STK10: variants seen among roughly 807,000 people sequenced by gnomAD.
STK10 encodes serine/threonine-protein kinase 10.
Under a neutral mutation model 113.8 loss-of-function variants are expected in STK10, and 78 were observed. That is an observed-to-expected ratio of 0.69 (90% CI 0.57 to 0.83). The LOEUF (loss-of-function observed/expected upper bound fraction) is 0.83, where lower values mean the gene tolerates loss of function less well. STK10 is among the 40% of genes least tolerant of loss of function. The pLI is 0.00. For synonymous variants in STK10, 465 were observed against 494.7 expected (o/e 0.94, Z 0.80); for missense variants, 1,109 against 1,280.1 (o/e 0.87, Z 2.04).
At chr5:172,183,514 T>C (rs1295538642) in intron 1 of STK10, among the ~76,000 whole-genome samples, 1 of 150,662 alleles carries the variant, frequency 6.6e-6, no homozygotes, top group Non-Finnish European at 1.5e-5. Flanking sequence ...GAGTGCACAA[T>C]CTCTGCTCTC....
intron 1 of STK10, among the ~76,000 whole-genome samples, chr5:172,166,271 G>C (rs536437350): frequency 6.6e-6 from 1 of 152,304 alleles, no homozygotes; most frequent in Admixed American, 6.5e-5. Context: ...GAGTGCTACT[G>C]GCTCTGTGGA....
chr5:172,082,556 G>A lies in STK10; in HGVS notation c.1810-51C>T. On this transcript the variant is annotated intron_variant, in intron 11 of 18. Coordinates refer to ENST00000176763, the MANE Select transcript of STK10 (RefSeq NM_005990.4). The surrounding 1 kb of genome is among the most constrained non-coding windows in gnomAD (Gnocchi z 4.3). ...ACTTAGCGAAGTCACTTTATACCTG[G>A]GAGGGACATGGGAAGTGGAATGGGG... is the stretch of plus-strand genomic sequence containing the variant. The A allele has an allele frequency of 6.6e-7, 1 of 1,524,496 alleles. No homozygotes were observed. The highest frequency in any genetic ancestry group is 8.8e-7 in the Non-Finnish European group (1 of 1,136,598). 94.4% of individuals were successfully genotyped at this position (1,524,496 alleles called of 1,614,324 possible).
intron 2 of STK10, among the ~76,000 whole-genome samples, chr5:172,150,255 TG>T (rs1441591136): frequency 6.6e-6 from 1 of 151,700 alleles, no homozygotes; most frequent in African/African-American, 2.4e-5. Context: ...CTGAGGAGGT[TG>T]GATCACCTGA....
At chr5:172,166,237 T>C (rs1403588348) in intron 1 of STK10, among the ~76,000 whole-genome samples, 2 of 152,222 alleles carry the variant, frequency 1.3e-5, no homozygotes, top group Non-Finnish European at 2.9e-5. Flanking sequence ...GAGGCCAAGA[T>C]GGCAGAAGCA....
chr5:172,064,050 G>A (rs1364624309), intron 13 of STK10, among the ~76,000 whole-genome samples: 1 of 152,204 alleles, frequency 6.6e-6, no homozygotes, highest in Non-Finnish European at 1.5e-5. Flanking sequence ...GGGCTGTGGG[G>A]GGAAGGGTGC....
At chr5:172,054,450 C>T in intron 17 of STK10, 119 bp downstream of exon 17, 2 of 1,444,446 alleles carry the variant, frequency 1.4e-6, no homozygotes, top group Non-Finnish European at 1.9e-6. Context: ...AACCATCCAT[C>T]CCGGGCGTGT....
Position 172,044,828 on chromosome 5 carries a change from G to A in STK10, c.*54C>T. On this transcript the variant is annotated 3_prime_UTR_variant, in exon 19 of 19. Coordinates refer to ENST00000176763, the MANE Select transcript of STK10 (RefSeq NM_005990.4). This position sits in a 1 kb window ranked among gnomAD's most constrained non-coding sequence, Gnocchi z 4.5. ...CCTGAGTTACATGTTCACAGAGAAT[G>A]AAGGAGAAGGCCCTGGGGCCCACCA... 6.2e-7 allele frequency: 1 copy of A among 1,613,190 alleles called. No individual in the cohort carries two copies. The highest frequency in any genetic ancestry group is 8.5e-7 in the Non-Finnish European group (1 of 1,179,824).
intron 3 of STK10, among the ~76,000 whole-genome samples, chr5:172,124,887 T>A (rs1036850088): frequency 3.3e-5 from 5 of 152,052 alleles, no homozygotes; most frequent in Non-Finnish European, 7.4e-5. Context: ...TATATATATT[T>A]TTTTCCCCCA....
rs531709337 is a variant in STK10 at position 172,049,798 on chromosome 5, G to A, written c.2766+3131C>T. The stretch of plus-strand genomic sequence containing the variant: ...TCTTCACCACCGTGCACTCACATGT[G>A]TTTATTTTTATTTTTATTTTTTGAG... On this transcript the variant is annotated intron_variant, in intron 18 of 18. Coordinates refer to ENST00000176763, the MANE Select transcript of STK10 (RefSeq NM_005990.4). 5.9e-5 allele frequency among the ~76,000 whole-genome samples: 9 copies of A among 152,108 alleles called. No individual in the cohort carries two copies. The East Asian group carries it at 7.7e-4, about 13-fold the overall frequency.
At chr5:172,180,565 C>T (rs1170238726) in intron 1 of STK10, among the ~76,000 whole-genome samples, 2 of 151,746 alleles carry the variant, frequency 1.3e-5, no homozygotes, top group East Asian at 1.9e-4. Context: ...CCGAGGCAGG[C>T]GGATCACTTG....
At chr5:172,165,943 G>A (rs1005842576) in intron 1 of STK10, among the ~76,000 whole-genome samples, 17 of 152,102 alleles carry the variant, frequency 1.1e-4, no homozygotes, top group Non-Finnish European at 1.9e-4. Flanking sequence ...ACAGGCATGC[G>A]CCACCACGCC....
At chr5:172,151,571 G>A (rs1005864836) in intron 2 of STK10, among the ~76,000 whole-genome samples, 5 of 152,078 alleles carry the variant, frequency 3.3e-5, no homozygotes, top group African/African-American at 1.2e-4. Flanking sequence ...GGTCTCAAAC[G>A]CCTGATTCGT....
chr5:172,100,774 G>C (rs560488563), intron 7 of STK10, among the ~76,000 whole-genome samples: 1 of 152,172 alleles, frequency 6.6e-6, no homozygotes, highest in East Asian at 1.9e-4. Context: ...GCAACACGAC[G>C]AGACTCCATT....
chr5:172,156,258 CACTT>C (rs1423621332), intron 2 of STK10, among the ~76,000 whole-genome samples: 2 of 152,214 alleles, frequency 1.3e-5, no homozygotes, highest in East Asian at 3.8e-4. Flanking sequence ...TGAATTAACT[CACTT>C]AATCGCAGTA....
chr5:172,071,285 TAA>T (rs113372968), intron 12 of STK10, among the ~76,000 whole-genome samples: 2 of 40,522 alleles, frequency 4.9e-5, no homozygotes, highest in Admixed American at 7.5e-4. Flanking sequence ...ATGAAAAGTT[TAA>T]AAAAAAAAAA....
intron 3 of STK10, among the ~76,000 whole-genome samples, chr5:172,119,588 G>C (rs1283977990): frequency 6.6e-6 from 1 of 152,132 alleles, no homozygotes; most frequent in Non-Finnish European, 1.5e-5. Flanking sequence ...AAATAGGCCA[G>C]GCGCGGTGGC....
intron 3 of STK10, among the ~76,000 whole-genome samples, chr5:172,119,951 C>T (rs1769474774): frequency 6.6e-6 from 1 of 152,138 alleles, no homozygotes; most frequent in African/African-American, 2.4e-5. Flanking sequence ...AGGGGCTCAG[C>T]TGGAGGTCAT....
intron 6 of STK10, 118 bp downstream of exon 6, chr5:172,106,502 G>A: frequency 8.6e-7 from 1 of 1,157,064 alleles, no homozygotes; most frequent in Admixed American, 2.9e-5. Flanking sequence ...CCTCTCCTTT[G>A]GAGCTAGCAG....
chr5:172,186,819 A>G (rs1411283172), intron 1 of STK10, among the ~76,000 whole-genome samples: 2 of 151,990 alleles, frequency 1.3e-5, no homozygotes, highest in South Asian at 2.1e-4. Flanking sequence ...TCATCTAGGA[A>G]CTACTTCGGT....
Sources: gnomAD v4.1 joint callset for allele counts (sites outside exome capture counted in the v4.1 genomes callset) on GRCh38, gnomAD v4.1.1 for gene constraint, Gnocchi (gnomAD v3.1) non-coding constraint, MANE v1.5 for transcripts, NCBI Gene and HGNC (gene_info 2026-07-23, HGNC 2026-07-21) for gene names.